Variants in SLC9A7 observed in about 807,000 individuals in gnomAD.
SLC9A7 encodes solute carrier family 9 member A7, also known as sodium/hydrogen exchanger 7.
In SLC9A7, 19 loss-of-function variants were observed where a neutral mutation model predicts 52.6. The ratio of observed to expected loss-of-function variants is 0.36; its 90% confidence interval spans 0.25 to 0.53. The LOEUF (loss-of-function observed/expected upper bound fraction) is 0.53. SLC9A7 is among the 20% of genes least tolerant of loss of function. The probability of loss-of-function intolerance (pLI) is 0.91; values close to 1 mark genes in which losing one functional copy is unlikely to be tolerated. For synonymous variants in SLC9A7, 226 were observed against 252.1 expected (o/e 0.90, Z 0.98); for missense variants, 455 against 597.9 (o/e 0.76, Z 2.49).
rs1322433208 is a variant in SLC9A7, at chrX:46,613,318, G to A, written c.1900C>T (p.Arg634Ter). The stretch of plus-strand genomic sequence containing the variant: ...TACACCTGGGGACTGGTCAGACATC[G>A]AGCTAGTAAGCCACACCAGGCGGGG... ...TLPAWCGLLA[R>*]CLTSPQVYDN... is the part of the protein sequence containing the mutation. Residue 634 changes from arginine to a stop codon, truncating the protein, a stop_gained, in exon 16 of 17, where the codon CGA becomes TGA. Coordinates refer to ENST00000616978, the MANE Select transcript of SLC9A7 (RefSeq NM_001257291.2). LOFTEE classifies it high-confidence loss of function. 1 of 1,207,828 alleles carries A rather than the reference G, an allele frequency of 8.3e-7. No homozygotes were observed.
chrX:46,755,358 G>GGA (rs200182064), intron 1 of SLC9A7, among the ~76,000 whole-genome samples: 5 of 108,337 alleles, frequency 4.6e-5, no homozygotes, highest in Non-Finnish European at 9.6e-5. Context: ...AGGGAGGGAG[G>GGA]GAGAGAGAGA....
In SLC9A7 at chrX:46,700,151, G is replaced by A. The variant is rs754771321; in HGVS notation, c.326-17616C>T. Among the ~76,000 whole-genome samples the A allele has an allele frequency of 4.5e-5, 5 of 110,979 alleles. No homozygotes were observed. In the South Asian group the frequency reaches 1.9e-3, roughly 42 times the overall value. ...ATATTTGAACAGAAAATAATGGGAGGACAGCAGATGCCTGGGTTAGGTCCA... is the reference window on the plus strand; with the variant it reads ...ATATTTGAACAGAAAATAATGGGAGAACAGCAGATGCCTGGGTTAGGTCCA... On this transcript the variant is annotated intron_variant, in intron 1 of 16. Transcript: ENST00000616978.
At chrX:46,638,116 C>A (rs1943350072) in intron 12 of SLC9A7, among the ~76,000 whole-genome samples, 1 of 111,697 alleles carries the variant, frequency 9.0e-6, no homozygotes, top group Non-Finnish European at 1.9e-5. Flanking sequence ...AAATGCCAAA[C>A]TGAATTTCAG....
At chrX:46,662,775 T>C (rs1358901487) in intron 5 of SLC9A7, 132 bp from the exon 6 acceptor site, 5 of 453,997 alleles carry the variant, frequency 1.1e-5, no homozygotes, top group Non-Finnish European at 1.1e-5. Flanking sequence ...GAGTCAAAGA[T>C]AGACTTATCT....
chrX:46,739,613 C>T (rs73495118), intron 1 of SLC9A7, among the ~76,000 whole-genome samples: 2,439 of 111,248 alleles, frequency 0.022, 62 homozygotes, highest in African/African-American at 0.075. Context: ...GTGTCAGCCC[C>T]AGGGATGAAA....
chrX:46,741,017 A>C (rs1921306338), intron 1 of SLC9A7, among the ~76,000 whole-genome samples: 2 of 112,215 alleles, frequency 1.8e-5, no homozygotes, highest in Non-Finnish European at 3.8e-5. Flanking sequence ...ACAACTGGAA[A>C]TTGAAATTAT....
chrX:46,642,038 A>G (rs1943414104), intron 12 of SLC9A7, among the ~76,000 whole-genome samples: 1 of 112,535 alleles, frequency 8.9e-6, no homozygotes, highest in Non-Finnish European at 1.9e-5. Flanking sequence ...TAGCCCAGAA[A>G]TGGTGAAGCT....
intron 1 of SLC9A7, among the ~76,000 whole-genome samples, chrX:46,709,937 A>G (rs1292326656): frequency 8.9e-6 from 1 of 112,358 alleles, no homozygotes; most frequent in Non-Finnish European, 1.9e-5. Context: ...ACAGCATGGC[A>G]CATTCAGGCA....
chrX:46,754,243 T>C (rs782422799), intron 1 of SLC9A7, among the ~76,000 whole-genome samples: 1 of 111,901 alleles, frequency 8.9e-6, no homozygotes, highest in South Asian at 3.7e-4. Context: ...TGTCAGACAC[T>C]GCACTTGACC....
chrX:46,670,856 C>G (rs1330665936), intron 4 of SLC9A7, among the ~76,000 whole-genome samples: 1 of 111,840 alleles, frequency 8.9e-6, no homozygotes. Flanking sequence ...TTATCAAAGG[C>G]TTCTTTCATG....
intron 1 of SLC9A7, among the ~76,000 whole-genome samples, chrX:46,746,221 C>T (rs1485076417): frequency 2.7e-5 from 3 of 109,753 alleles, no homozygotes; most frequent in Non-Finnish European, 5.7e-5. Context: ...CCCAGCTACT[C>T]GGGAGGCTGA....
rs982776085 is a variant in SLC9A7 at position 46,606,943 on chromosome X, G to T, written c.*9C>A. ...GCCTACCCCATCGCGCCAGGGCTTG[G>T]GGGGAAAGTCAAGCATTATCTTCCA... is the stretch of plus-strand genomic sequence containing the variant. On this transcript the variant is annotated 3_prime_UTR_variant, in exon 17 of 17. Transcript: ENST00000616978. The T allele has an allele frequency of 2.0e-5, 24 of 1,209,140 alleles. No individual in the cohort carries two copies. Among genetic ancestry groups the T allele is most frequent in the Non-Finnish European group, 2.7e-5 (24 of 894,915 alleles).
At chrX:46,729,660 C>A (rs2146973620) in intron 1 of SLC9A7, among the ~76,000 whole-genome samples, 1 of 110,818 alleles carries the variant, frequency 9.0e-6, no homozygotes, top group African/African-American at 3.3e-5. Context: ...GCAATCCCAG[C>A]TACTCGGGAG....
intron 16 of SLC9A7, among the ~76,000 whole-genome samples, chrX:46,610,332 T>C (rs1377502956): frequency 8.9e-6 from 1 of 112,534 alleles, no homozygotes; most frequent in Non-Finnish European, 1.9e-5. Context: ...GGTTTAACGT[T>C]AGTGGAAATA....
At position 46,653,666 on chromosome X, in the gene SLC9A7, G is replaced by A; in HGVS notation, c.1090C>T (p.Leu364=). The change falls in exon 8 of 17, where the codon CTG becomes TTG. Residue 364 remains leucine, a synonymous_variant. Transcript: ENST00000616978. ...LHCFPLLETA[L]FFLMSWSTFL... ...GTGCTCCAGGACATGAGGAAGAACA[G>A]CGCCGTCTCCAGCAGGGGGAAGCAG... 1 of 1,210,985 alleles carries A rather than the reference G, an allele frequency of 8.3e-7. No individual in the cohort carries two copies. The highest frequency in any genetic ancestry group is 1.8e-5 in the South Asian group (1 of 56,912).
intron 1 of SLC9A7, among the ~76,000 whole-genome samples, chrX:46,745,578 A>T (rs1384603454): frequency 8.9e-6 from 1 of 112,285 alleles, no homozygotes; most frequent in Non-Finnish European, 1.9e-5. Context: ...GCAGTGGCTC[A>T]CGCCTGTAAT....
Position 46,643,221 on chromosome X carries a change from T to C in SLC9A7, c.1616+15A>G, listed in dbSNP as rs1421901748. ...GACAACTGACATACTCAATTAGCCT[T>C]GGTTCCAAACCAACCTGATGTTAAG... On this transcript the variant is annotated intron_variant, in intron 12 of 16. Coordinates refer to ENST00000616978, the MANE Select transcript of SLC9A7 (RefSeq NM_001257291.2). 8.3e-7 allele frequency: 1 copy of C among 1,198,448 alleles called. No homozygotes were observed. Among genetic ancestry groups the C allele is most frequent in the Admixed American group, 2.2e-5 (1 of 45,818 alleles).
At chrX:46,716,911 C>T (rs1389888405) in intron 1 of SLC9A7, among the ~76,000 whole-genome samples, 1 of 111,984 alleles carries the variant, frequency 8.9e-6, no homozygotes, top group African/African-American at 3.3e-5. Flanking sequence ...CTGACCAAAA[C>T]GATAAAGGCT....
At chrX:46,641,087 T>C (rs1456064124) in intron 12 of SLC9A7, among the ~76,000 whole-genome samples, 4 of 112,796 alleles carry the variant, frequency 3.5e-5, no homozygotes, top group African/African-American at 1.3e-4. Flanking sequence ...CACAAGAATA[T>C]TCACAGTGGC....
Sources: gnomAD v4.1 joint callset for allele counts (sites outside exome capture counted in the v4.1 genomes callset) on GRCh38, gnomAD v4.1.1 for gene constraint, MANE v1.5 for transcripts, NCBI Gene and HGNC (gene_info 2026-07-23, HGNC 2026-07-21) for gene names.